ADARB1: variants seen among roughly 807,000 people sequenced by gnomAD.
ADARB1 encodes adenosine deaminase RNA specific B1, also known as double-stranded RNA-specific editase 1.
A neutral mutation model predicts 52.4 loss-of-function variants in ADARB1; 10 were observed. The ratio of observed to expected loss-of-function variants is 0.19; its 90% CI spans 0.12 to 0.32. The LOEUF (loss-of-function observed/expected upper bound fraction) is 0.32, where lower values mean the gene tolerates loss of function less well. Among genes scored for constraint, ADARB1 ranks in the 10% least tolerant of loss-of-function variants. The pLI, the probability that ADARB1 is intolerant of heterozygous loss-of-function variation, is 1.00. For missense variants in ADARB1, 643 were observed against 922.3 expected (o/e 0.70, Z 3.92); for synonymous variants, 349 against 371.1 (o/e 0.94, Z 0.68).
At chr21:45,191,339 C>T (rs921676374) in intron 8 of ADARB1, among the ~76,000 whole-genome samples, 1 of 152,182 alleles carries the variant, frequency 6.6e-6, no homozygotes. Flanking sequence ...TATGTTACAG[C>T]ACTGTCCATG....
intron 2 of ADARB1, among the ~76,000 whole-genome samples, chr21:45,138,308 G>A (rs955815105): frequency 6.6e-6 from 1 of 152,192 alleles, no homozygotes; most frequent in African/African-American, 2.4e-5. Flanking sequence ...GATTGATTCT[G>A]GGTGAAGGTC....
In ADARB1 at chr21:45,224,074, C is replaced by T. The variant is rs571500685; in HGVS notation, c.*1877C>T. 12 of 985,436 alleles carry T rather than the reference C, an allele frequency of 1.2e-5. No homozygotes were observed. In the East Asian group the frequency reaches 7.9e-4, roughly 65 times the overall value. The allele number at this position is 985,436 out of a possible 1,614,324, so 61.0% of individuals were successfully genotyped here. ...GGGGTCTGTTGTCGCTGGCTTTCCCCCAAGCAGGCTCTTGCACACTCTAGA... is the reference window on the plus strand; with the variant it reads ...GGGGTCTGTTGTCGCTGGCTTTCCCTCAAGCAGGCTCTTGCACACTCTAGA... On this transcript the variant is annotated 3_prime_UTR_variant, in exon 11 of 11. Transcript: ENST00000348831.
intron 1 of ADARB1, among the ~76,000 whole-genome samples, chr21:45,083,930 G>A (rs2123642906): frequency 6.6e-6 from 1 of 152,272 alleles, no homozygotes; most frequent in African/African-American, 2.4e-5. Context: ...CGAGCTCCTG[G>A]ACTCAAGGGA....
Position 45,176,579 on chromosome 21 carries a change from T to C in ADARB1, c.878T>C (p.Leu293Pro). 1 of 1,614,184 alleles carries C rather than the reference T, an allele frequency of 6.2e-7. No individual in the cohort carries two copies. Among genetic ancestry groups the C allele is most frequent in the Non-Finnish European group, 8.5e-7 (1 of 1,180,032 alleles). Residue 293 changes from leucine to proline, a missense_variant, in exon 4 of 11, where the codon CTG becomes CCG. Physicochemically the swap from Leu to Pro is moderately conservative, Grantham distance 98. Coordinates refer to ENST00000348831, the MANE Select transcript of ADARB1 (RefSeq NM_001112.4). The surrounding 1 kb of genome is among the most constrained non-coding windows in gnomAD (Gnocchi z 5.8). ...LAKARAAQSA[L>P]AAIFNLHLDQ... ...AAGGCCCGGGCTGCGCAGTCTGCCC[T>C]GGCCGCCATTTTTAACTTGCACTTG... is the stretch of plus-strand genomic sequence containing the variant.
chr21:45,133,576 G>C (rs1003313824), intron 2 of ADARB1: 1 of 177,274 alleles, frequency 5.6e-6, no homozygotes, highest in Admixed American at 6.2e-5. Context: ...CGCCTGCAAG[G>C]CAGGGGAGTG....
intron 1 of ADARB1, among the ~76,000 whole-genome samples, chr21:45,096,803 G>A (rs1046240447): frequency 8.5e-5 from 13 of 152,136 alleles, no homozygotes; most frequent in Admixed American, 2.6e-4. Flanking sequence ...TCGCCCAGGC[G>A]GTGCAGTGGC....
intron 2 of ADARB1, among the ~76,000 whole-genome samples, chr21:45,155,134 C>T (rs2090487657): frequency 6.6e-6 from 1 of 152,218 alleles, no homozygotes; most frequent in African/African-American, 2.4e-5. Flanking sequence ...CATGTGAAGA[C>T]CACTGTCCTC....
intron 2 of ADARB1, among the ~76,000 whole-genome samples, chr21:45,153,708 G>A (rs2090419106): frequency 6.6e-6 from 1 of 152,202 alleles, no homozygotes; most frequent in Non-Finnish European, 1.5e-5. Flanking sequence ...TGGGAGTGGG[G>A]AACCCCTGAC....
intron 4 of ADARB1, among the ~76,000 whole-genome samples, chr21:45,178,566 G>A (rs1404987133): frequency 6.6e-6 from 1 of 152,166 alleles, no homozygotes; most frequent in African/African-American, 2.4e-5. Flanking sequence ...CAGTCCTTAG[G>A]GCTTTGTTGG....
At chr21:45,081,578 C>G (rs3788155) in intron 1 of ADARB1, among the ~76,000 whole-genome samples, 10,189 of 152,228 alleles carry the variant, frequency 0.067, 399 homozygotes, top group East Asian at 0.15. Context: ...ATGTCTTCAA[C>G]TTGCGATGGG....
intron 1 of ADARB1, among the ~76,000 whole-genome samples, chr21:45,087,015 G>A (rs1272328094): frequency 3.9e-5 from 6 of 152,220 alleles, no homozygotes; most frequent in Admixed American, 3.3e-4. Flanking sequence ...GAAGCTATTA[G>A]CATTTCTTAA....
chr21:45,194,915 A>G (rs1277389349), intron 8 of ADARB1, among the ~76,000 whole-genome samples: 1 of 152,196 alleles, frequency 6.6e-6, no homozygotes, highest in African/African-American at 2.4e-5. Context: ...TGAGTTTTCA[A>G]GTCCTTTGGG....
intron 7 of ADARB1, 22 bp from the exon 8 acceptor site, chr21:45,184,901 T>C: frequency 6.3e-7 from 1 of 1,592,500 alleles, no homozygotes; most frequent in Non-Finnish European, 8.6e-7. Flanking sequence ...CCTGTGGGGT[T>C]TTAACTCTTT....
At chr21:45,092,213 A>G (rs919245931) in intron 1 of ADARB1, among the ~76,000 whole-genome samples, 2 of 152,166 alleles carry the variant, frequency 1.3e-5, no homozygotes, top group Non-Finnish European at 2.9e-5. Flanking sequence ...CCCGGAGCTG[A>G]GGTCCAGTGC....
intron 8 of ADARB1, among the ~76,000 whole-genome samples, chr21:45,194,485 C>G (rs1230985904): frequency 6.9e-6 from 1 of 145,104 alleles, no homozygotes; most frequent in Non-Finnish European, 1.5e-5. Flanking sequence ...CCCCTCTCAC[C>G]TCTTAACCTC....
In ADARB1 at chr21:45,214,051, C is replaced by T. The variant is rs186583759; in HGVS notation, c.1748-6785C>T. Among the ~76,000 whole-genome samples, 17 of 152,328 alleles carry T rather than the reference C, an allele frequency of 1.1e-4. 2 individuals carry two copies. In the South Asian group the frequency reaches 2.9e-3, roughly 26 times the overall value. On this transcript the variant is annotated intron_variant, in intron 9 of 10. Coordinates refer to ENST00000348831, the MANE Select transcript of ADARB1 (RefSeq NM_001112.4). ...TAGTTCTGTCACTTATATGCCGGCA[C>T]GCAGTACGAGCGGTTGCTTTAGAAA...
In ADARB1 at chr21:45,208,178, C is replaced by T. The variant is rs762497114; in HGVS notation, c.1747+3442C>T. 4.1e-4 allele frequency among the ~76,000 whole-genome samples: 63 copies of T among 152,190 alleles called. No homozygotes were observed. Among genetic ancestry groups the T allele is most frequent in the Non-Finnish European group, 8.8e-4 (60 of 68,026 alleles). On this transcript the variant is annotated intron_variant, in intron 9 of 10. Coordinates refer to ENST00000348831, the MANE Select transcript of ADARB1 (RefSeq NM_001112.4). This position sits in a 1 kb window ranked among gnomAD's most constrained non-coding sequence, Gnocchi z 5.6. ...GATCTCCTGAGTGTGAGCTCCTCAG[C>T]TGGCCCAGTTTGTTGTCCAACGCTC...
Position 45,150,176 on chromosome 21 carries a change from A to T in ADARB1, c.-47-21434A>T, listed in dbSNP as rs150644487. 5.1e-3 allele frequency among the ~76,000 whole-genome samples: 771 copies of T among 152,344 alleles called. 7 individuals are homozygous for T. The highest frequency in any genetic ancestry group is 0.018 in the African/African-American group (730 of 41,580). ...GTGGCGCACGCTACTTGGGAGGCCA[A>T]GGCAGGAGAATCGCTTGAATCCAGG... On this transcript the variant is annotated intron_variant, in intron 2 of 10. Transcript: ENST00000348831.
chr21:45,101,441 A>G (rs2087011834), intron 1 of ADARB1, among the ~76,000 whole-genome samples: 1 of 152,196 alleles, frequency 6.6e-6, no homozygotes, highest in Admixed American at 6.5e-5. Context: ...GGCACGTGGG[A>G]AAAACTCCTG....
Sources: gnomAD v4.1 joint callset for allele counts (sites outside exome capture counted in the v4.1 genomes callset) on GRCh38, gnomAD v4.1.1 for gene constraint, Gnocchi (gnomAD v3.1) non-coding constraint, MANE v1.5 for transcripts, NCBI Gene and HGNC (gene_info 2026-07-23, HGNC 2026-07-21) for gene names.